The following BRINP3 variants were observed in gnomAD, a reference collection of about 807,000 sequenced individuals.
The protein encoded by BRINP3 is BMP/retinoic acid inducible neural specific 3, also known as BMP/retinoic acid-inducible neural-specific protein 3.
BRINP3 carries 19 observed loss-of-function variants against 71.0 expected under a neutral mutation model. The ratio of observed to expected loss-of-function variants is 0.27; its 90% confidence interval spans 0.19 to 0.39. The LOEUF (loss-of-function observed/expected upper bound fraction) is 0.39. BRINP3 is among the 10% of genes least tolerant of loss of function. BRINP3 has a pLI of 1.00. For synonymous variants in BRINP3, 380 were observed against 337.7 expected, an observed-to-expected ratio of 1.13 and a Z score of -1.37; for missense variants, 959 against 940.8, an observed-to-expected ratio of 1.02 and a Z score of -0.25.
intron 2 of BRINP3, among the ~76,000 whole-genome samples, chr1:190,354,748 G>A (rs1024681699): frequency 2.7e-5 from 4 of 148,410 alleles, no homozygotes; most frequent in South Asian, 2.1e-4. Context: ...CACTGCCACC[G>A]TCTCTTAAAA....
Position 190,264,857 on chromosome 1 carries a change from A to G in BRINP3, c.618+8T>C, listed in dbSNP as rs1478868176. ...AAGGTGATAATTTTAGCGTAAACTC[A>G]TTCTTACCTTTATGGCAGTGGATGC... On this transcript the variant is annotated splice_region_variant and intron_variant, in intron 4 of 7. Coordinates refer to ENST00000367462, the MANE Select transcript of BRINP3 (RefSeq NM_199051.3). The G allele has an allele frequency of 6.2e-7, 1 of 1,611,506 alleles. No individual in the cohort carries two copies. The highest frequency in any genetic ancestry group is 8.5e-7 in the Non-Finnish European group (1 of 1,178,884).
chr1:190,280,958 A>C (rs1040281007), intron 3 of BRINP3, among the ~76,000 whole-genome samples: 1 of 151,938 alleles, frequency 6.6e-6, no homozygotes, highest in African/African-American at 2.4e-5. Flanking sequence ...ACTATGAAAA[A>C]GCCATATTTT....
intron 2 of BRINP3, among the ~76,000 whole-genome samples, chr1:190,362,550 T>C (rs1449179788): frequency 2.0e-5 from 3 of 152,166 alleles, no homozygotes; most frequent in Non-Finnish European, 4.4e-5. Context: ...AATTCTAAGA[T>C]GGCCTCTAAT....
intron 6 of BRINP3, among the ~76,000 whole-genome samples, chr1:190,214,428 G>C (rs1054790003): frequency 1.3e-5 from 2 of 152,002 alleles, no homozygotes; most frequent in Non-Finnish European, 2.9e-5. Context: ...AATGCGTCCT[G>C]CATCTGGGAA....
intron 2 of BRINP3, among the ~76,000 whole-genome samples, chr1:190,300,184 C>T (rs1664570699): frequency 6.6e-6 from 1 of 152,110 alleles, no homozygotes; most frequent in Admixed American, 6.5e-5. Flanking sequence ...CTTTCAGGTA[C>T]ACCAATCAGA....
chr1:190,122,576 G>T (rs1418592573), intron 7 of BRINP3, among the ~76,000 whole-genome samples: 1 of 143,720 alleles, frequency 7.0e-6, no homozygotes, highest in Non-Finnish European at 1.5e-5. Context: ...AGGGTAAAGT[G>T]GGGTGGGGGT....
chr1:190,444,116 C>G (rs964331931), intron 2 of BRINP3, among the ~76,000 whole-genome samples: 2 of 151,838 alleles, frequency 1.3e-5, no homozygotes, highest in African/African-American at 4.8e-5. Flanking sequence ...GCCTGTAATC[C>G]CAGGTACTCG....
At chr1:190,460,805 C>T (rs937449745) in intron 1 of BRINP3, among the ~76,000 whole-genome samples, 25 of 152,170 alleles carry the variant, frequency 1.6e-4, no homozygotes, top group African/African-American at 5.3e-4. Context: ...ATTTTTAAGC[C>T]TAAACATGAC....
intron 1 of BRINP3, among the ~76,000 whole-genome samples, chr1:190,465,827 TG>T (rs1484878752): frequency 1.3e-5 from 2 of 151,682 alleles, no homozygotes; most frequent in Admixed American, 6.6e-5. Flanking sequence ...CTTCAGAAAA[TG>T]TATGACAATT....
intron 6 of BRINP3, among the ~76,000 whole-genome samples, chr1:190,211,479 G>C (rs1326317163): frequency 6.6e-6 from 1 of 152,046 alleles, no homozygotes; most frequent in Non-Finnish European, 1.5e-5. Flanking sequence ...CGAATGTATA[G>C]ACAATGTCTG....
At chr1:190,300,686 A>G (rs184412033) in intron 2 of BRINP3, among the ~76,000 whole-genome samples, 2,848 of 152,190 alleles carry the variant, frequency 0.019, 28 homozygotes, top group Admixed American at 0.033. Flanking sequence ...TCACACGGCC[A>G]GGTAGTCCAA....
At chr1:190,136,694 G>T (rs1655005726) in intron 7 of BRINP3, among the ~76,000 whole-genome samples, 3 of 151,904 alleles carry the variant, frequency 2.0e-5, no homozygotes, top group Admixed American at 2.0e-4. Context: ...GTCTGCATAA[G>T]TCTTGTAATT....
intron 7 of BRINP3, among the ~76,000 whole-genome samples, chr1:190,140,594 T>TA (rs762434871): frequency 6.6e-6 from 1 of 152,130 alleles, no homozygotes; most frequent in Non-Finnish European, 1.5e-5. Context: ...AATTTTAGGA[T>TA]AAAAAATAAA....
At chr1:190,375,144 A>G (rs1227125188) in intron 2 of BRINP3, among the ~76,000 whole-genome samples, 1 of 152,030 alleles carries the variant, frequency 6.6e-6, no homozygotes, top group African/African-American at 2.4e-5. Context: ...GGGAAAATAC[A>G]ACAAGGTAGT....
chr1:190,353,481 T>C (rs775918717), intron 2 of BRINP3, among the ~76,000 whole-genome samples: 3 of 152,072 alleles, frequency 2.0e-5, no homozygotes, highest in Non-Finnish European at 4.4e-5. Context: ...ATCACTAGTA[T>C]AGAGAATAAT....
chr1:190,155,601 T>C (rs959279691), intron 7 of BRINP3, among the ~76,000 whole-genome samples: 1 of 152,000 alleles, frequency 6.6e-6, no homozygotes, highest in Non-Finnish European at 1.5e-5. Flanking sequence ...TTTTCAATAA[T>C]TGCTGACATA....
intron 7 of BRINP3, among the ~76,000 whole-genome samples, chr1:190,131,808 T>C (rs1209780112): frequency 6.6e-6 from 1 of 152,106 alleles, no homozygotes; most frequent in Non-Finnish European, 1.5e-5. Flanking sequence ...TTTGAATTTA[T>C]GAGCTAGAAA....
intron 6 of BRINP3, among the ~76,000 whole-genome samples, chr1:190,209,105 T>A (rs1446741366): frequency 6.6e-6 from 1 of 152,116 alleles, no homozygotes; most frequent in Non-Finnish European, 1.5e-5. Flanking sequence ...ATTTTCATAA[T>A]GTTACTGTTT....
intron 2 of BRINP3, among the ~76,000 whole-genome samples, chr1:190,376,934 T>C (rs1670223488): frequency 6.6e-6 from 1 of 152,044 alleles, no homozygotes; most frequent in Non-Finnish European, 1.5e-5. Context: ...TGCTATCCAG[T>C]AAATTTTTTT....
Sources: gnomAD v4.1 joint callset for allele counts (sites outside exome capture counted in the v4.1 genomes callset) on GRCh38, gnomAD v4.1.1 for gene constraint, MANE v1.5 for transcripts, NCBI Gene and HGNC (gene_info 2026-07-23, HGNC 2026-07-21) for gene names.